Variants in AGPAT3 observed in about 807,000 individuals in gnomAD.
AGPAT3 encodes 1-acylglycerol-3-phosphate O-acyltransferase 3.
In AGPAT3, 5 loss-of-function variants were observed where a neutral mutation model predicts 47.3. The observed-to-expected ratio is 0.11, with a 90% CI of 0.06 to 0.22. The LOEUF is 0.22. AGPAT3 is among the 10% of genes least tolerant of loss of function. AGPAT3 has a pLI of 1.00. For synonymous variants in AGPAT3, 212 were observed against 208.3 expected, an observed-to-expected ratio of 1.02 and a Z score of -0.15; for missense variants, 315 against 493.0, an observed-to-expected ratio of 0.64 and a Z score of 3.42.
chr21:43,896,063 C>T (rs1216951082), intron 1 of AGPAT3, among the ~76,000 whole-genome samples: 4 of 152,040 alleles, frequency 2.6e-5, no homozygotes, highest in Admixed American at 6.5e-5. Flanking sequence ...CCACTGCGCC[C>T]GGCCTAATTT....
chr21:43,969,345 G>A (rs1001474334), intron 5 of AGPAT3, 66 bp downstream of exon 5: 28 of 1,587,708 alleles, frequency 1.8e-5, no homozygotes, highest in East Asian at 1.6e-4. Flanking sequence ...CCTGATGCAC[G>A]GCTGCCCACA....
At chr21:43,866,173 CT>C (rs995070211) in intron 1 of AGPAT3, among the ~76,000 whole-genome samples, 2 of 137,682 alleles carry the variant, frequency 1.5e-5, no homozygotes, top group African/African-American at 5.3e-5. Context: ...GGGGAAAATG[CT>C]TTTATAAATG....
rs960403061 is a variant in AGPAT3 at position 43,939,349 on chromosome 21, G to C, written c.-48-20285G>C. Among the ~76,000 whole-genome samples, 4 of 152,042 alleles carry C rather than the reference G, an allele frequency of 2.6e-5. No individual in the cohort carries two copies. The highest frequency in any genetic ancestry group is 4.4e-5 in the Non-Finnish European group (3 of 68,006). On this transcript the variant is annotated intron_variant, in intron 2 of 9. Transcript: ENST00000291572. This position sits in a 1 kb window ranked among gnomAD's most constrained non-coding sequence, Gnocchi z 4.4. ...GTTGTCGGGGGCCTCCCGCGCCCCA[G>C]GAGGTTTCCCAGGGCGATGCTCTGG...
intron 2 of AGPAT3, 105 bp from the exon 3 acceptor site, chr21:43,959,529 A>G (rs904003621): frequency 2.0e-6 from 2 of 1,001,920 alleles, no homozygotes. Context: ...GCATGTGTGT[A>G]TAAGCGTGAG....
At chr21:43,891,016 G>T (rs2086092541) in intron 1 of AGPAT3, among the ~76,000 whole-genome samples, 1 of 152,222 alleles carries the variant, frequency 6.6e-6, no homozygotes, top group Admixed American at 6.5e-5. Context: ...GGGATTACAG[G>T]TGTGAGCCAT....
chr21:43,962,778 A>C (rs975962432), intron 3 of AGPAT3, among the ~76,000 whole-genome samples: 7 of 152,242 alleles, frequency 4.6e-5, no homozygotes, highest in Admixed American at 4.6e-4. Context: ...GGCAAACGAA[A>C]GTACACTCTG....
intron 2 of AGPAT3, among the ~76,000 whole-genome samples, chr21:43,928,990 G>A (rs1306867755): frequency 1.3e-5 from 2 of 152,204 alleles, no homozygotes; most frequent in Non-Finnish European, 2.9e-5. Flanking sequence ...GACTTTAGGA[G>A]GCCACACAAT....
rs192974781 is a variant in AGPAT3, at chr21:43,970,104, G to T, written c.511-549G>T. On this transcript the variant is annotated intron_variant, in intron 5 of 9. Coordinates refer to ENST00000291572, the MANE Select transcript of AGPAT3 (RefSeq NM_020132.5). The surrounding 1 kb of genome is among the most constrained non-coding windows in gnomAD (Gnocchi z 5.8). The stretch of plus-strand genomic sequence containing the variant: ...GCTCACTGCAACCTCTGCCTCCCGG[G>T]TTCCAGCAGTTCTCCTCTCTCAGCC... Among the ~76,000 whole-genome samples the T allele has an allele frequency of 1.6e-3, 243 of 151,812 alleles. 2 individuals are homozygous for T. The highest frequency in any genetic ancestry group is 0.014 in the Middle Eastern group (4 of 294).
intron 7 of AGPAT3, among the ~76,000 whole-genome samples, chr21:43,975,949 G>A (rs1044901827): frequency 6.6e-6 from 1 of 151,126 alleles, no homozygotes; most frequent in Admixed American, 6.6e-5. Flanking sequence ...TTACGGAAGC[G>A]ACTTGTGGGA....
chr21:43,951,845 G>A (rs756917442), intron 2 of AGPAT3, among the ~76,000 whole-genome samples: 14 of 152,212 alleles, frequency 9.2e-5, no homozygotes, highest in Admixed American at 7.9e-4. Context: ...GCAGCGGTGC[G>A]GAGGTGGTGG....
intron 1 of AGPAT3, among the ~76,000 whole-genome samples, chr21:43,891,818 G>A (rs1215559905): frequency 6.6e-6 from 1 of 152,002 alleles, no homozygotes; most frequent in Admixed American, 6.6e-5. Context: ...CTTGGAATCA[G>A]CTTCTTCTAA....
chr21:43,971,676 C>G (rs1011454428), intron 7 of AGPAT3, among the ~76,000 whole-genome samples, 186 bp downstream of exon 7: 63 of 152,160 alleles, frequency 4.1e-4, no homozygotes, highest in African/African-American at 1.4e-3. Context: ...CTGCAGGACT[C>G]GTCCGGGGCT....
chr21:43,895,687 A>G (rs1238627008), intron 1 of AGPAT3, among the ~76,000 whole-genome samples: 1 of 152,042 alleles, frequency 6.6e-6, no homozygotes, highest in Non-Finnish European at 1.5e-5. Flanking sequence ...TCGTGGGTTC[A>G]AGTGATTCTC....
At chr21:43,940,762 T>A (rs2087627207) in intron 2 of AGPAT3, among the ~76,000 whole-genome samples, 2 of 152,228 alleles carry the variant, frequency 1.3e-5, no homozygotes, top group South Asian at 4.1e-4. Flanking sequence ...GTGGCGCTGC[T>A]CTGTCACACC....
In AGPAT3 at chr21:43,982,161, C is replaced by G; in HGVS notation, c.1043-143C>G. 4.6e-6 allele frequency: 3 copies of G among 658,030 alleles called. No individual in the cohort carries two copies. In the South Asian group the frequency reaches 5.3e-5, roughly 12 times the overall value. The allele number at this position is 658,030 out of a possible 1,614,324, so 40.8% of individuals were successfully genotyped here. A position where few individuals can be genotyped will look rare whatever the true frequency, so the allele number is the denominator to read the frequency against. On this transcript the variant is annotated intron_variant, in intron 9 of 9. Transcript: ENST00000291572. The surrounding 1 kb of genome is among the most constrained non-coding windows in gnomAD (Gnocchi z 6.2). The stretch of plus-strand genomic sequence containing the variant: ...AGGGCTGTCTCCCCGCGGGCCACAC[C>G]TACTCACTGACAGCAGAGGCCACTG...
chr21:43,970,922 A>T lies in AGPAT3; in HGVS notation c.664+116A>T. Reference sequence around the variant, plus strand: ...GTGAAACACAGAAGAACAGAAGTGCAAAAGGAATCAAGTGAGGGGGTCGGC... The same window carrying T: ...GTGAAACACAGAAGAACAGAAGTGCTAAAGGAATCAAGTGAGGGGGTCGGC... On this transcript the variant is annotated intron_variant, in intron 6 of 9. Coordinates refer to ENST00000291572, the MANE Select transcript of AGPAT3 (RefSeq NM_020132.5). The surrounding 1 kb of genome is among the most constrained non-coding windows in gnomAD (Gnocchi z 5.8). 1 of 1,252,308 alleles carries T rather than the reference A, an allele frequency of 8.0e-7. No individual in the cohort carries two copies. The highest frequency in any genetic ancestry group is 2.8e-5 in the East Asian group (1 of 35,190). 77.6% of individuals were successfully genotyped at this position (1,252,308 alleles called of 1,614,324 possible). A position where few individuals can be genotyped will look rare whatever the true frequency, so the allele number is the denominator to read the frequency against.
chr21:43,929,578 C>T (rs1013408040), intron 2 of AGPAT3, among the ~76,000 whole-genome samples: 40 of 152,386 alleles, frequency 2.6e-4, no homozygotes, highest in African/African-American at 9.4e-4. Context: ...AAGCCACCTC[C>T]CCCGGTCGCC....
At chr21:43,865,617 C>T (rs939710051) in intron 1 of AGPAT3, among the ~76,000 whole-genome samples, 1 of 150,646 alleles carries the variant, frequency 6.6e-6, no homozygotes, top group South Asian at 2.1e-4. Flanking sequence ...CGCGAGGCCC[C>T]GGCCGCTTCC....
chr21:43,912,366 G>A (rs1371287253), intron 2 of AGPAT3, among the ~76,000 whole-genome samples: 1 of 152,266 alleles, frequency 6.6e-6, no homozygotes, highest in Non-Finnish European at 1.5e-5. Context: ...TTTCTCCTGA[G>A]GAAGGCGCTG....
Sources: gnomAD v4.1 joint callset for allele counts (sites outside exome capture counted in the v4.1 genomes callset) on GRCh38, gnomAD v4.1.1 for gene constraint, Gnocchi (gnomAD v3.1) non-coding constraint, MANE v1.5 for transcripts, NCBI Gene and HGNC (gene_info 2026-07-23, HGNC 2026-07-21) for gene names.